The following XRRA1 variants were observed in gnomAD, a reference collection of about 807,000 sequenced individuals.
The protein encoded by XRRA1 is X-ray radiation resistance associated 1.
XRRA1 carries 69 observed loss-of-function variants against 80.2 expected under a neutral mutation model. The ratio of observed to expected loss-of-function variants is 0.86; its 90% confidence interval spans 0.71 to 1.05. XRRA1 has a LOEUF of 1.05. Ranked by LOEUF, XRRA1 falls within the 50% of genes least tolerant of loss-of-function variation. The probability of loss-of-function intolerance (pLI) is 0.00; values close to 1 mark genes in which losing one functional copy is unlikely to be tolerated. For missense variants in XRRA1, 967 were observed against 976.4 expected (o/e 0.99, Z 0.13); for synonymous variants, 348 against 389.9 (o/e 0.89, Z 1.27).
intron 2 of XRRA1, among the ~76,000 whole-genome samples, chr11:74,942,601 G>A (rs889367396): frequency 6.6e-6 from 1 of 152,194 alleles, no homozygotes; most frequent in Non-Finnish European, 1.5e-5. Context: ...GGCAGACAGA[G>A]TCACTACCAA....
At chr11:74,886,189 A>G (rs966823902) in intron 10 of XRRA1, among the ~76,000 whole-genome samples, 3 of 152,102 alleles carry the variant, frequency 2.0e-5, no homozygotes, top group Non-Finnish European at 2.9e-5. Context: ...CCTATTTGAT[A>G]TAGCACTGCA....
At chr11:74,892,166 T>A (rs951693650) in intron 10 of XRRA1, among the ~76,000 whole-genome samples, 19 of 152,158 alleles carry the variant, frequency 1.2e-4, no homozygotes, top group Non-Finnish European at 2.6e-4. Flanking sequence ...ACTACAAGGC[T>A]ACAGTAACCA....
Position 74,866,261 on chromosome 11 carries a change from T to C in XRRA1, c.1004-3240A>G, listed in dbSNP as rs58684296. Among the ~76,000 whole-genome samples the C allele has an allele frequency of 3.9e-4, 59 of 152,230 alleles. 2 individuals are homozygous for C. In the East Asian group the frequency reaches 0.011, roughly 29 times the overall value. Reference sequence around the variant, plus strand: ...TTTTTATTTTTTTTGTTTTGTTTTGTGCTTTTTTTGGAGACAGGCTCTCAT... The same window carrying C: ...TTTTTATTTTTTTTGTTTTGTTTTGCGCTTTTTTTGGAGACAGGCTCTCAT... On this transcript the variant is annotated intron_variant, in intron 10 of 18. Transcript: ENST00000684022.
At chr11:74,870,516 A>G (rs1312739442) in intron 10 of XRRA1, among the ~76,000 whole-genome samples, 1 of 152,218 alleles carries the variant, frequency 6.6e-6, no homozygotes, top group Admixed American at 6.5e-5. Flanking sequence ...ATCCTGTTAG[A>G]TAGCATCAGC....
chr11:74,941,153 G>T (rs1478125654), intron 2 of XRRA1, among the ~76,000 whole-genome samples: 1 of 152,190 alleles, frequency 6.6e-6, no homozygotes, highest in Admixed American at 6.5e-5. Context: ...GACTTGGTTT[G>T]AATCCTGGCT....
chr11:74,868,275 G>A (rs576986717), intron 10 of XRRA1, among the ~76,000 whole-genome samples: 42 of 152,148 alleles, frequency 2.8e-4, no homozygotes, highest in Non-Finnish European at 5.1e-4. Flanking sequence ...GCCAAGCTAA[G>A]CTTTGTAAGT....
chr11:74,939,166 T>C (rs979881424), intron 3 of XRRA1, among the ~76,000 whole-genome samples: 1 of 151,918 alleles, frequency 6.6e-6, no homozygotes, highest in African/African-American at 2.4e-5. Flanking sequence ...AGTCTGGCCA[T>C]CATGGTGAAA....
chr11:74,933,880 A>C lies in XRRA1; in HGVS notation c.280-8T>G. On this transcript the variant is annotated splice_region_variant and splice_polypyrimidine_tract_variant and intron_variant, in intron 4 of 18. Transcript: ENST00000684022. ...CACACAGTGGTGCTTCAGCTGGAAC[A>C]TAATACAAAGAGTTGTCTCTTAAGG... 1 of 1,600,020 alleles carries C rather than the reference A, an allele frequency of 6.2e-7. No individual in the cohort carries two copies. The highest frequency in any genetic ancestry group is 8.5e-7 in the Non-Finnish European group (1 of 1,173,002).
chr11:74,926,542 A>G (rs1164890936), intron 7 of XRRA1, among the ~76,000 whole-genome samples: 1 of 152,196 alleles, frequency 6.6e-6, no homozygotes, highest in East Asian at 1.9e-4. Flanking sequence ...TCAGATGCCC[A>G]GCCCACACAC....
chr11:74,891,901 A>C (rs1189764300), intron 10 of XRRA1, among the ~76,000 whole-genome samples: 1 of 152,202 alleles, frequency 6.6e-6, no homozygotes, highest in African/African-American at 2.4e-5. Context: ...AATGAAATAA[A>C]AGAGGATACA....
intron 10 of XRRA1, among the ~76,000 whole-genome samples, chr11:74,881,721 A>C (rs2136725014): frequency 6.6e-6 from 1 of 152,114 alleles, no homozygotes. Flanking sequence ...AAAATCTCTC[A>C]GCATTTGCTT....
intron 13 of XRRA1, among the ~76,000 whole-genome samples, chr11:74,851,617 G>A (rs938791041): frequency 6.6e-6 from 1 of 152,164 alleles, no homozygotes; most frequent in South Asian, 2.1e-4. Flanking sequence ...ACTGGGAATT[G>A]GGAAATGAGG....
chr11:74,920,175 CA>C, intron 8 of XRRA1, among the ~76,000 whole-genome samples: 1 of 152,318 alleles, frequency 6.6e-6, no homozygotes, highest in South Asian at 2.1e-4. Context: ...AAGCATCCAG[CA>C]GACTGACCTC....
At chr11:74,944,432 C>G (rs1287899461) in intron 2 of XRRA1, among the ~76,000 whole-genome samples, 2 of 152,172 alleles carry the variant, frequency 1.3e-5, no homozygotes, top group African/African-American at 4.8e-5. Flanking sequence ...CAATTTATTC[C>G]TAACAAAGCA....
At position 74,906,444 on chromosome 11, in the gene XRRA1, T is replaced by G. The variant is rs1391413945; in HGVS notation, c.798A>C (p.Leu266Phe). The change falls in exon 10 of 19, where the codon TTA (leucine) becomes TTC (phenylalanine). Residue 266 changes from leucine (L) to phenylalanine (F), a missense_variant. Transcript: ENST00000684022. The stretch of plus-strand genomic sequence containing the variant: ...TGATAATCCTGTTTTCATCCAAGCT[T>G]AACTTCTTCAGTCTTCAATTAAGGA... ...SLAGLRRLKK[L>F]SLDENRIIRI... 1 of 1,613,934 alleles carries G rather than the reference T, an allele frequency of 6.2e-7. No individual in the cohort carries two copies.
At chr11:74,945,284 G>A (rs974666504) in intron 1 of XRRA1, among the ~76,000 whole-genome samples, 199 bp from the exon 2 acceptor site, 6 of 152,290 alleles carry the variant, frequency 3.9e-5, no homozygotes, top group Admixed American at 3.9e-4. Flanking sequence ...TGGGAAGGTG[G>A]TATAGGAGAA....
intron 10 of XRRA1, among the ~76,000 whole-genome samples, chr11:74,870,459 C>T (rs2044515916): frequency 6.6e-6 from 1 of 152,204 alleles, no homozygotes; most frequent in African/African-American, 2.4e-5. Context: ...TCTCCTATCC[C>T]CTCTCTGTAT....
intron 1 of XRRA1, among the ~76,000 whole-genome samples, chr11:74,948,321 C>T (rs1483225886): frequency 6.7e-6 from 1 of 149,158 alleles, no homozygotes; most frequent in East Asian, 1.9e-4. Flanking sequence ...GCTCAATATA[C>T]ATTTGTGAAA....
Position 74,940,874 on chromosome 11 carries a change from G to T in XRRA1, c.5C>A (p.Ala2Asp), listed in dbSNP as rs754223516. The change falls in exon 3 of 19, where the codon GCC (alanine) becomes GAC (aspartate). Residue 2 changes from alanine (A) to aspartate (D), a missense_variant. Transcript: ENST00000684022. The stretch of plus-strand genomic sequence containing the variant: ...ATCCAGCTTGTAGATTCCTGAGAAG[G>T]CCATCTCCCTGAGAGCCAGGCAAGG... The part of the protein sequence containing the change: M[A>D]FSGIYKLDDG... 4 of 1,606,410 alleles carry T rather than the reference G, an allele frequency of 2.5e-6. No individual in the cohort carries two copies. The highest frequency in any genetic ancestry group is 2.6e-6 in the Non-Finnish European group (3 of 1,176,466).
Sources: gnomAD v4.1 joint callset for allele counts (sites outside exome capture counted in the v4.1 genomes callset) on GRCh38, gnomAD v4.1.1 for gene constraint, MANE v1.5 for transcripts, NCBI Gene and HGNC (gene_info 2026-07-23, HGNC 2026-07-21) for gene names.